Variants in PCNX1 observed in about 807,000 individuals in gnomAD.
PCNX1 encodes the protein pecanex 1.
PCNX1 carries 78 observed loss-of-function variants against 242.2 expected under a neutral mutation model. The observed-to-expected ratio is 0.32, with a 90% CI of 0.27 to 0.39. The LOEUF (loss-of-function observed/expected upper bound fraction) is 0.39. Among genes scored for constraint, PCNX1 ranks in the 10% least tolerant of loss-of-function variants. The pLI is 1.00. For missense variants in PCNX1, 2,581 were observed against 2,856.5 expected (o/e 0.90, Z 2.20); for synonymous variants, 1,024 against 1,032.9 (o/e 0.99, Z 0.17).
At chr14:71,005,946 A>T (rs1200034288) in intron 8 of PCNX1, among the ~76,000 whole-genome samples, 1 of 146,558 alleles carries the variant, frequency 6.8e-6, no homozygotes. Flanking sequence ...TTTTTGAGAC[A>T]GGGTCTCACT....
At chr14:71,020,038 T>G (rs1184683619) in intron 12 of PCNX1, among the ~76,000 whole-genome samples, 3 of 151,752 alleles carry the variant, frequency 2.0e-5, no homozygotes, top group African/African-American at 7.3e-5. Context: ...CAGTGTTTGG[T>G]TTTCTGTTCT....
At chr14:71,106,209 A>G (rs1218190756) in intron 33 of PCNX1, among the ~76,000 whole-genome samples, 1 of 151,460 alleles carries the variant, frequency 6.6e-6, no homozygotes, top group Non-Finnish European at 1.5e-5. Flanking sequence ...CGTAGAGACG[A>G]GGTTTCAACC....
intron 8 of PCNX1, 24 bp from the exon 9 acceptor site, chr14:71,009,610 T>C: frequency 7.2e-7 from 1 of 1,393,818 alleles, no homozygotes; most frequent in Non-Finnish European, 1.0e-6. Context: ...TAATGGCTTT[T>C]TAAAATAATC....
intron 30 of PCNX1, among the ~76,000 whole-genome samples, chr14:71,090,532 G>A (rs911072008): frequency 6.6e-6 from 1 of 152,152 alleles, no homozygotes; most frequent in African/African-American, 2.4e-5. Context: ...GTGAAAAATG[G>A]AATACTATTT....
chr14:70,976,841 A>G, intron 5 of PCNX1, 101 bp from the exon 6 acceptor site: 3 of 997,810 alleles, frequency 3.0e-6, no homozygotes, highest in Non-Finnish European at 3.0e-6. Flanking sequence ...GAAATTATTT[A>G]TACTTGATTT....
chr14:71,004,201 A>G (rs897068126), intron 8 of PCNX1, among the ~76,000 whole-genome samples: 1 of 152,220 alleles, frequency 6.6e-6, no homozygotes, highest in Non-Finnish European at 1.5e-5. Context: ...ATGAAGCCTA[A>G]AGTATGTATT....
chr14:71,095,038 GAA>G (rs2141724091), intron 30 of PCNX1, among the ~76,000 whole-genome samples: 1 of 152,318 alleles, frequency 6.6e-6, no homozygotes, highest in South Asian at 2.1e-4. Context: ...CCACGACCCA[GAA>G]AGTTATTTTA....
rs114304928 is a variant in PCNX1, at chr14:71,076,160, T to C, written c.5107-29T>C. The C allele has an allele frequency of 1.8e-3, 2,419 of 1,312,890 alleles. 25 individuals are homozygous for C. The African/African-American group carries it at 0.031, about 17-fold the overall frequency. The allele number at this position is 1,312,890 out of a possible 1,614,324, so 81.3% of individuals were successfully genotyped here. The stretch of plus-strand genomic sequence containing the variant: ...AATTGAAATTGTAATTTAATCTGAA[T>C]TCTTTTTTTTTTGTCTTGTTCATGT... On this transcript the variant is annotated intron_variant, in intron 27 of 35. Coordinates refer to ENST00000304743, the MANE Select transcript of PCNX1 (RefSeq NM_014982.3).
intron 5 of PCNX1, among the ~76,000 whole-genome samples, chr14:70,972,130 A>T (rs1050360437): frequency 6.6e-6 from 1 of 152,074 alleles, no homozygotes; most frequent in African/African-American, 2.4e-5. Flanking sequence ...AAGATAGGTT[A>T]TGGATTTGGA....
chr14:70,987,496 G>A (rs972957855), intron 6 of PCNX1, among the ~76,000 whole-genome samples: 1 of 152,118 alleles, frequency 6.6e-6, no homozygotes, highest in African/African-American at 2.4e-5. Context: ...TGTATACATG[G>A]ACTTTTACCC....
chr14:70,997,096 G>T (rs1478748101), intron 8 of PCNX1, among the ~76,000 whole-genome samples: 1 of 152,134 alleles, frequency 6.6e-6, no homozygotes, highest in African/African-American at 2.4e-5. Flanking sequence ...TTTGTAATTT[G>T]TAGAGGCAAG....
intron 1 of PCNX1, among the ~76,000 whole-genome samples, chr14:70,912,954 C>A (rs2140021515): frequency 6.6e-6 from 1 of 152,336 alleles, no homozygotes; most frequent in Admixed American, 6.5e-5. Context: ...GGCTGGACTT[C>A]AGTATTATCC....
At chr14:71,041,352 T>C (rs1437689250) in intron 19 of PCNX1, among the ~76,000 whole-genome samples, 1 of 152,168 alleles carries the variant, frequency 6.6e-6, no homozygotes, top group Non-Finnish European at 1.5e-5. Context: ...ACTGGGTGAC[T>C]TTTTATTATG....
intron 25 of PCNX1, 130 bp from the exon 26 acceptor site, chr14:71,057,379 G>A (rs2061211774): frequency 1.6e-6 from 1 of 624,416 alleles, no homozygotes; most frequent in Admixed American, 2.9e-5. Context: ...GAAACTGTAA[G>A]GGTATGAATG....
intron 8 of PCNX1, among the ~76,000 whole-genome samples, chr14:71,004,932 A>G (rs541950895): frequency 1.3e-5 from 2 of 152,140 alleles, no homozygotes; most frequent in African/African-American, 4.8e-5. Flanking sequence ...TACTGCCCAT[A>G]TATCTCTCTT....
Position 71,045,219 on chromosome 14 carries a change from A to G in PCNX1, c.3954A>G (p.Leu1318=), listed in dbSNP as rs746866545. 3 of 1,611,912 alleles carry G rather than the reference A, an allele frequency of 1.9e-6. No homozygotes were observed. In the Admixed American group the frequency reaches 5.0e-5, roughly 27 times the overall value. Residue 1318 remains leucine (L), a synonymous_variant, in exon 20 of 36, where the codon CTA becomes CTG. Coordinates refer to ENST00000304743, the MANE Select transcript of PCNX1 (RefSeq NM_014982.3). The part of the protein sequence containing the change: ...HYVLPQVRKQ[L]PWHCFSHPLL... ...TGCTGCCTCAAGTTAGAAAACAGCT[A>G]CCATGGCACTGTTTCTCTCATCCTC...
intron 26 of PCNX1, among the ~76,000 whole-genome samples, chr14:71,061,896 G>A (rs2061334069): frequency 6.6e-6 from 1 of 152,214 alleles, no homozygotes; most frequent in Non-Finnish European, 1.5e-5. Flanking sequence ...TGAAGAACAG[G>A]CCAGAGAAAG....
At chr14:71,057,760 A>G in intron 26 of PCNX1, 36 bp downstream of exon 26, 1 of 1,363,684 alleles carries the variant, frequency 7.3e-7, no homozygotes, top group Non-Finnish European at 1.0e-6. Context: ...TCTGTAGCAT[A>G]CTCCTGTGGC....
Position 71,051,929 on chromosome 14 carries a change from T to C in PCNX1, c.4494T>C (p.Ser1498=). Residue 1498 remains serine, a synonymous_variant, in exon 24 of 36, where the codon TCT becomes TCC. Coordinates refer to ENST00000304743, the MANE Select transcript of PCNX1 (RefSeq NM_014982.3). The part of the protein sequence containing the change: ...FIQAAVSAFF[S]TPLNPFLGSA... ...AGGCTGCTGTCTCGGCCTTCTTCTC[T>C]ACTCCACTGAACCCCTTTCTGGGAA... The C allele has an allele frequency of 6.2e-7, 1 of 1,613,720 alleles. No individual in the cohort carries two copies. The highest frequency in any genetic ancestry group is 8.5e-7 in the Non-Finnish European group (1 of 1,179,654).
Sources: gnomAD v4.1 joint callset for allele counts (sites outside exome capture counted in the v4.1 genomes callset) on GRCh38, gnomAD v4.1.1 for gene constraint, MANE v1.5 for transcripts, NCBI Gene and HGNC (gene_info 2026-07-23, HGNC 2026-07-21) for gene names.